The following PCK2 variants were observed in gnomAD, a reference collection of about 807,000 sequenced individuals.
PCK2 encodes phosphoenolpyruvate carboxykinase 2, mitochondrial.
A neutral mutation model predicts 65.9 loss-of-function variants in PCK2; 56 were observed. The ratio of observed to expected loss-of-function variants is 0.85; its 90% CI spans 0.69 to 1.06. The LOEUF (loss-of-function observed/expected upper bound fraction) is 1.06, where lower values mean the gene tolerates loss of function less well. Ranked by LOEUF, PCK2 falls within the 50% of genes least tolerant of loss-of-function variation. The pLI is 0.00. For missense variants in PCK2, 843 were observed against 863.1 expected (o/e 0.98, Z 0.29); for synonymous variants, 305 against 319.6 (o/e 0.95, Z 0.49).
intron 6 of PCK2, 109 bp downstream of exon 6, chr14:24,099,829 C>CA: frequency 6.7e-7 from 1 of 1,500,912 alleles, no homozygotes; most frequent in Non-Finnish European, 9.3e-7. Context: ...CCTGAACACC[C>CA]AACCCTGCTC....
At chr14:24,098,825 G>A (rs574775665) in intron 4 of PCK2, 147 bp downstream of exon 4, 10 of 761,248 alleles carry the variant, frequency 1.3e-5, no homozygotes, top group East Asian at 1.1e-4. Context: ...CCAGCAGAGG[G>A]ATAAGGCTGT....
intron 7 of PCK2, 57 bp from the exon 8 acceptor site, chr14:24,102,692 ATGTG>A (rs1323426649): frequency 5.0e-6 from 7 of 1,399,642 alleles, no homozygotes; most frequent in Non-Finnish European, 6.0e-6. Context: ...GTGCCCATGT[ATGTG>A]TGTGTTGGGG....
At chr14:24,099,748 G>C (rs756014094) in intron 6 of PCK2, 28 bp downstream of exon 6, 54 of 1,606,248 alleles carry the variant, frequency 3.4e-5, no homozygotes, top group Non-Finnish European at 4.3e-5. Flanking sequence ...CATACTCTTG[G>C]TTCTGGCTCT....
At chr14:24,099,015 G>C in intron 4 of PCK2, 34 bp from the exon 5 acceptor site, 2 of 1,548,780 alleles carry the variant, frequency 1.3e-6, no homozygotes, top group Non-Finnish European at 1.8e-6. Context: ...TCCTGATGCT[G>C]CTGCCAGCAG....
Position 24,103,541 on chromosome 14 carries a change from G to A in PCK2, c.1500G>A (p.Met500Ile). The A allele has an allele frequency of 1.3e-6, 2 of 1,563,666 alleles. No individual in the cohort carries two copies. Among genetic ancestry groups the A allele is most frequent in the East Asian group, 4.5e-5 (2 of 44,386 alleles). Reference sequence around the variant, plus strand: ...TCATCATGCACGACCCATTTGCCATGCGGCCCTTTTTTGGCTACAACTTCG... The same window carrying A: ...TCATCATGCACGACCCATTTGCCATACGGCCCTTTTTTGGCTACAACTTCG... ...GKIIMHDPFA[M>I]RPFFGYNFGH... The change falls in exon 10 of 10, where the codon ATG becomes ATA. Residue 500 changes from methionine to isoleucine, a missense_variant. Met to Ile is a conservative substitution (Grantham distance 10, BLOSUM62 1). Transcript: ENST00000216780.
intron 4 of PCK2, 122 bp from the exon 5 acceptor site, chr14:24,098,927 A>G: frequency 1.2e-6 from 1 of 800,438 alleles, no homozygotes; most frequent in South Asian, 1.6e-5. Flanking sequence ...GGGGGGCTTC[A>G]GCCACCTCTT....
intron 8 of PCK2, 25 bp from the exon 9 acceptor site, chr14:24,103,135 G>C (rs2138975927): frequency 1.9e-6 from 3 of 1,575,816 alleles, no homozygotes; most frequent in Non-Finnish European, 2.6e-6. Context: ...AGGGCTGCCT[G>C]TGACTCTGTT....
chr14:24,104,083 C>T lies in PCK2; in HGVS notation c.*119C>T, dbSNP rs569631551. ...ACATCTTCAATGTGCCATAGACCTT[C>T]CCACAAAGACTGTCCAATAATAAGA... On this transcript the variant is annotated 3_prime_UTR_variant, in exon 10 of 10. Transcript: ENST00000216780. 1,678 of 668,346 alleles carry T rather than the reference C, an allele frequency of 2.5e-3. 44 individuals carry two copies. In the South Asian group the frequency reaches 0.03, roughly 12 times the overall value. The allele number at this position is 668,346 out of a possible 1,614,324, so 41.4% of individuals were successfully genotyped here.
Position 24,098,291 on chromosome 14 carries a change from C to A in PCK2, c.364C>A (p.Leu122Ile). 8 of 1,613,948 alleles carry A rather than the reference C, an allele frequency of 5.0e-6. No homozygotes were observed. Among genetic ancestry groups the A allele is most frequent in the Non-Finnish European group, 6.8e-6 (8 of 1,179,818 alleles). The change falls in exon 3 of 10, where the codon CTC (leucine) becomes ATC (isoleucine). Residue 122 changes from leucine to isoleucine, a missense_variant. Physicochemically the swap from Leu to Ile is conservative, Grantham distance 5. Transcript: ENST00000216780. Reference sequence around the variant, plus strand: ...TCCTTCTCAGCGGGACACGGTACCACTCCCGCCTGGTGGGGCCCGTGGGCA... The same window carrying A: ...TCCTTCTCAGCGGGACACGGTACCAATCCCGCCTGGTGGGGCCCGTGGGCA... ...VTPSQRDTVP[L>I]PPGGARGQLG...
Position 24,098,374 on chromosome 14 carries a change from A to C in PCK2, c.447A>C (p.Pro149=). 1 of 1,612,110 alleles carries C rather than the reference A, an allele frequency of 6.2e-7. No individual in the cohort carries two copies. The highest frequency in any genetic ancestry group is 1.1e-5 in the South Asian group (1 of 91,002). The change falls in exon 3 of 10, where the codon CCA becomes CCC. Residue 149 remains proline (P), a synonymous_variant. Coordinates refer to ENST00000216780, the MANE Select transcript of PCK2 (RefSeq NM_004563.4). Reference sequence around the variant, plus strand: ...AGCGAGCTGTGGATGAGAGGTTTCCAGGCTGCATGCAGGGTAACCAGGGCA... The same window carrying C: ...AGCGAGCTGTGGATGAGAGGTTTCCCGGCTGCATGCAGGGTAACCAGGGCA... ...DFQRAVDERF[P]GCMQGRTMYV...
rs748383162 is a variant in PCK2 at position 24,103,208 on chromosome 14, T to C, written c.1421T>C (p.Val474Ala). ...TTCAACTGGCGTCATGGGGTGTTTG[T>C]GGGCAGCGCCATGCGCTCTGAGTCC... Reference protein sequence around the residue: ...EAFNWRHGVFVGSAMRSESTA... With the variant: ...EAFNWRHGVFAGSAMRSESTA... Residue 474 changes from valine (V) to alanine (A), a missense_variant, in exon 9 of 10, where the codon GTG becomes GCG. Val to Ala is a moderately conservative substitution (Grantham distance 64). Transcript: ENST00000216780. 5.0e-6 allele frequency: 8 copies of C among 1,614,142 alleles called. No homozygotes were observed. The highest frequency in any genetic ancestry group is 6.8e-6 in the Non-Finnish European group (8 of 1,179,980).
rs1013259889 is a variant in PCK2 at position 24,098,245 on chromosome 14, G to A, written c.318G>A (p.Glu106=). 4.3e-6 allele frequency: 7 copies of A among 1,613,870 alleles called. No individual in the cohort carries two copies. Among genetic ancestry groups the A allele is most frequent in the Non-Finnish European group, 5.9e-6 (7 of 1,179,936 alleles). Residue 106 remains glutamate (E), a synonymous_variant, in exon 3 of 10, where the codon GAG becomes GAA. Transcript: ENST00000216780. ...ACCCCAAGGATGTGGCACGAGTAGA[G>A]AGCAAGACGGTGATTGTAACTCCTT... The part of the protein sequence containing the change: ...RTDPKDVARV[E]SKTVIVTPSQ...
chr14:24,103,776 G>T lies in PCK2; in HGVS notation c.1735G>T (p.Glu579Ter). The T allele has an allele frequency of 6.2e-7, 1 of 1,614,202 alleles. No homozygotes were observed. Among genetic ancestry groups the T allele is most frequent in the Non-Finnish European group, 8.5e-7 (1 of 1,180,026 alleles). The stretch of plus-strand genomic sequence containing the variant: ...GACACCCATTGGGCTGGTGCCAAAG[G>T]AAGGAGCCTTGGATCTCAGCGGCCT... Reference protein sequence around the residue: ...RETPIGLVPKEGALDLSGLRA... With the variant: ...RETPIGLVPK The change falls in exon 10 of 10, where the codon GAA becomes TAA. Residue 579 changes from glutamate (E) to a stop codon, truncating the protein, a stop_gained. Coordinates refer to ENST00000216780, the MANE Select transcript of PCK2 (RefSeq NM_004563.4). LOFTEE classifies it high-confidence loss of function.
At chr14:24,098,112 A>G in intron 2 of PCK2, 91 bp from the exon 3 acceptor site, 1 of 1,022,850 alleles carries the variant, frequency 9.8e-7, no homozygotes, top group Middle Eastern at 2.1e-4. Context: ...CCAACAGAAG[A>G]CCTGGAGTCA....
chr14:24,104,117 T>C lies in PCK2; in HGVS notation c.*153T>C, dbSNP rs1351297989. ...ACTGTCCAATAATAAGAGATGCTTA[T>C]CTATTTTACACAAGATTTGTGCTGT... On this transcript the variant is annotated 3_prime_UTR_variant, in exon 10 of 10. Transcript: ENST00000216780. 1 of 620,468 alleles carries C rather than the reference T, an allele frequency of 1.6e-6. No individual in the cohort carries two copies. The highest frequency in any genetic ancestry group is 1.8e-5 in the African/African-American group (1 of 54,108). 38.4% of individuals were successfully genotyped at this position (620,468 alleles called of 1,614,324 possible).
chr14:24,099,303 C>T (rs1033473187), intron 5 of PCK2, 67 bp downstream of exon 5: 3 of 1,447,294 alleles, frequency 2.1e-6, no homozygotes, highest in Non-Finnish European at 1.9e-6. Context: ...GGCCAGTCTG[C>T]CTCAGCCTCA....
Position 24,094,513 on chromosome 14 carries a change from G to C in PCK2, c.29+79G>C. On this transcript the variant is annotated intron_variant, in intron 1 of 9. Transcript: ENST00000216780. This position sits in a 1 kb window ranked among gnomAD's most constrained non-coding sequence, Gnocchi z 4.1. ...TCGGGGCTGCCAGTGGCGCTCTCCT[G>C]CTCTCAGCCTCCGCCAGGTTTCCCA... is the stretch of plus-strand genomic sequence containing the variant. 6.9e-7 allele frequency: 1 copy of C among 1,456,916 alleles called. No homozygotes were observed. Among genetic ancestry groups the C allele is most frequent in the Non-Finnish European group, 9.0e-7 (1 of 1,110,526 alleles). The allele number at this position is 1,456,916 out of a possible 1,614,324, so 90.2% of individuals were successfully genotyped here.
intron 5 of PCK2, 60 bp downstream of exon 5, chr14:24,099,296 C>T: frequency 6.8e-7 from 1 of 1,473,952 alleles, no homozygotes; most frequent in Non-Finnish European, 9.2e-7. Flanking sequence ...GGGGCCTGGC[C>T]AGTCTGCCTC....
At chr14:24,098,156 G>A (rs760543031) in intron 2 of PCK2, 47 bp from the exon 3 acceptor site, 1 of 1,538,846 alleles carries the variant, frequency 6.5e-7, no homozygotes, top group South Asian at 1.2e-5. Context: ...CTAGGGACAA[G>A]GGAAACCTGC....
Sources: gnomAD v4.1 joint callset for allele counts on GRCh38, gnomAD v4.1.1 for gene constraint, Gnocchi (gnomAD v3.1) non-coding constraint, MANE v1.5 for transcripts, NCBI Gene and HGNC (gene_info 2026-07-23, HGNC 2026-07-21) for gene names.